The following SS18L1 variants were observed in gnomAD, a reference collection of about 807,000 sequenced individuals.
SS18L1 encodes the protein calcium-responsive transactivator.
A neutral mutation model predicts 70.3 loss-of-function variants in SS18L1; 32 were observed. The observed-to-expected ratio is 0.46, with a 90% confidence interval of 0.34 to 0.61. The LOEUF (loss-of-function observed/expected upper bound fraction) is 0.61. Ranked by LOEUF, SS18L1 falls within the 20% of genes least tolerant of loss-of-function variation. The pLI is 0.01. For synonymous variants in SS18L1, 237 were observed against 229.7 expected (o/e 1.03, Z -0.29); for missense variants, 430 against 542.1 (o/e 0.79, Z 2.05).
At chr20:62,178,107 C>T (rs2057651533) in intron 10 of SS18L1, among the ~76,000 whole-genome samples, 1 of 149,640 alleles carries the variant, frequency 6.7e-6, no homozygotes, top group Non-Finnish European at 1.5e-5. Flanking sequence ...GCAGCCTCAA[C>T]CTCCGGGGCA....
intron 1 of SS18L1, among the ~76,000 whole-genome samples, chr20:62,150,625 T>A (rs546312670): frequency 2.2e-5 from 3 of 136,096 alleles, no homozygotes; most frequent in East Asian, 4.5e-4. Flanking sequence ...TAAGAAACAT[T>A]GAGGTGGATT....
chr20:62,166,397 C>G (rs923487783), intron 8 of SS18L1, among the ~76,000 whole-genome samples: 2 of 152,216 alleles, frequency 1.3e-5, no homozygotes, highest in African/African-American at 4.8e-5. Context: ...CAGGCAGGCA[C>G]TAAACGGCTA....
At chr20:62,163,030 C>A in intron 5 of SS18L1, 99 bp downstream of exon 5, 2 of 1,475,004 alleles carry the variant, frequency 1.4e-6, no homozygotes, top group Non-Finnish European at 9.2e-7. Flanking sequence ...AGCTGCCCTC[C>A]TGCTGGGTGC....
chr20:62,176,287 G>A (rs910209731), intron 10 of SS18L1, among the ~76,000 whole-genome samples: 9 of 152,216 alleles, frequency 5.9e-5, no homozygotes, highest in African/African-American at 2.2e-4. Context: ...GGAGGCCAAG[G>A]CAGGAGGATC....
In SS18L1 at chr20:62,160,517, A is replaced by G. The variant is rs903876079; in HGVS notation, c.231+556A>G. ...GTGAGAACGGAACTTAAAAGAGAACATGCCCAGCACAGTAAATTCTCCCAG... is the reference window on the plus strand; with the variant it reads ...GTGAGAACGGAACTTAAAAGAGAACGTGCCCAGCACAGTAAATTCTCCCAG... On this transcript the variant is annotated intron_variant, in intron 3 of 10. Transcript: ENST00000331758. Among the ~76,000 whole-genome samples the G allele has an allele frequency of 2.6e-5, 4 of 152,154 alleles. No individual in the cohort carries two copies. In the East Asian group the frequency reaches 7.7e-4, roughly 29 times the overall value.
chr20:62,170,349 G>GA (rs1226695895), intron 8 of SS18L1, among the ~76,000 whole-genome samples: 1 of 152,096 alleles, frequency 6.6e-6, no homozygotes, highest in Non-Finnish European at 1.5e-5. Flanking sequence ...ACTAAAAATA[G>GA]AAAAAAATTA....
In SS18L1 at chr20:62,161,910, G is replaced by A. The variant is rs571219313; in HGVS notation, c.376+330G>A. Among the ~76,000 whole-genome samples the A allele has an allele frequency of 1.1e-4, 16 of 152,362 alleles. No individual in the cohort carries two copies. The highest frequency in any genetic ancestry group is 3.3e-4 in the Admixed American group (5 of 15,306). ...CTTTGGATTGAGAAGCATGGATAACGTTTGGAGACCATTAACAGTAATATA... is the reference window on the plus strand; with the variant it reads ...CTTTGGATTGAGAAGCATGGATAACATTTGGAGACCATTAACAGTAATATA... On this transcript the variant is annotated intron_variant, in intron 4 of 10. Coordinates refer to ENST00000331758, the MANE Select transcript of SS18L1 (RefSeq NM_198935.3). This position sits in a 1 kb window ranked among gnomAD's most constrained non-coding sequence, Gnocchi z 4.4.
In SS18L1 at chr20:62,154,559, G is replaced by A. The variant is rs539662178; in HGVS notation, c.70-4113G>A. Reference sequence around the variant, plus strand: ...ACTGGGTCATCACACCTCAGGGGGTGTCCCTTGGTATGGGACACAGCTCCT... The same window carrying A: ...ACTGGGTCATCACACCTCAGGGGGTATCCCTTGGTATGGGACACAGCTCCT... On this transcript the variant is annotated intron_variant, in intron 1 of 10. Coordinates refer to ENST00000331758, the MANE Select transcript of SS18L1 (RefSeq NM_198935.3). 1.3e-4 allele frequency: 135 copies of A among 1,012,776 alleles called. No individual in the cohort carries two copies. In the South Asian group the frequency reaches 5.6e-3, roughly 42 times the overall value. 62.7% of individuals were successfully genotyped at this position (1,012,776 alleles called of 1,614,324 possible). A position where few individuals can be genotyped will look rare whatever the true frequency, so the allele number is the denominator to read the frequency against.
intron 5 of SS18L1, 22 bp downstream of exon 5, chr20:62,162,953 C>G (rs1194162486): frequency 1.2e-6 from 2 of 1,609,318 alleles, no homozygotes; most frequent in Non-Finnish European, 1.7e-6. Context: ...GCCTCTGCAA[C>G]CCCGGGGGGC....
chr20:62,158,594 A>T lies in SS18L1; in HGVS notation c.70-78A>T. On this transcript the variant is annotated intron_variant, in intron 1 of 10. Transcript: ENST00000331758. This position sits in a 1 kb window ranked among gnomAD's most constrained non-coding sequence, Gnocchi z 4.5. The stretch of plus-strand genomic sequence containing the variant: ...GACGCTCAACCTATATGAAAACTAG[A>T]TGTGTAGCGATGGCTGTTCATCCCG... 1 of 1,561,780 alleles carries T rather than the reference A, an allele frequency of 6.4e-7. No homozygotes were observed. Among genetic ancestry groups the T allele is most frequent in the Non-Finnish European group, 8.6e-7 (1 of 1,156,218 alleles).
intron 8 of SS18L1, among the ~76,000 whole-genome samples, chr20:62,170,243 C>T (rs1164845277): frequency 1.3e-5 from 2 of 152,234 alleles, no homozygotes; most frequent in South Asian, 2.1e-4. Context: ...CGGTGGCTCA[C>T]GCCTGTAATC....
chr20:62,175,562 AT>A, intron 10 of SS18L1: 2 of 570,786 alleles, frequency 3.5e-6, no homozygotes, highest in South Asian at 7.6e-5. Flanking sequence ...GGTCTGGGAC[AT>A]TTTTTGGAGC....
chr20:62,163,757 G>T, intron 6 of SS18L1, 135 bp downstream of exon 6: 1 of 1,273,608 alleles, frequency 7.9e-7, no homozygotes, highest in Non-Finnish European at 1.1e-6. Context: ...TTGGCGCCTT[G>T]GTGTTAACAT....
intron 1 of SS18L1, among the ~76,000 whole-genome samples, chr20:62,153,657 G>C (rs2057173391): frequency 6.6e-6 from 1 of 152,082 alleles, no homozygotes; most frequent in Non-Finnish European, 1.5e-5. Context: ...GTTTTCCCTG[G>C]AGTTGTTGAT....
intron 6 of SS18L1, 65 bp from the exon 7 acceptor site, chr20:62,164,080 G>T: frequency 6.9e-7 from 1 of 1,459,358 alleles, no homozygotes; most frequent in African/African-American, 1.4e-5. Flanking sequence ...TCCCCAGTGA[G>T]CGAGCAGGTC....
intron 1 of SS18L1, among the ~76,000 whole-genome samples, chr20:62,145,448 C>A (rs923294691): frequency 9.9e-5 from 15 of 152,204 alleles, no homozygotes; most frequent in Non-Finnish European, 1.8e-4. Context: ...GCTCTAGGCT[C>A]AGAGGCAAAT....
chr20:62,177,194 G>A (rs758458265), intron 10 of SS18L1, among the ~76,000 whole-genome samples: 8 of 152,196 alleles, frequency 5.3e-5, no homozygotes, highest in Non-Finnish European at 8.8e-5. Flanking sequence ...AGAGGCGGGC[G>A]GGAGCAGATA....
rs572334109 is a variant in SS18L1, at chr20:62,182,267, A to C, written c.*3059A>C. The C allele has an allele frequency of 1.4e-5, 3 of 218,292 alleles. No homozygotes were observed. In the East Asian group the frequency reaches 2.0e-4, roughly 15 times the overall value. The allele number at this position is 218,292 out of a possible 1,614,324, so 13.5% of individuals were successfully genotyped here. A position where few individuals can be genotyped will look rare whatever the true frequency, so the allele number is the denominator to read the frequency against. On this transcript the variant is annotated 3_prime_UTR_variant, in exon 11 of 11. Transcript: ENST00000331758. ...AGGCGTGAATAGGGGGCACCCCTTC[A>C]AAACTGTACAAAGAAGACGACTGTT... is the stretch of plus-strand genomic sequence containing the variant.
chr20:62,160,189 C>G (rs1286141819), intron 3 of SS18L1, among the ~76,000 whole-genome samples: 1 of 141,654 alleles, frequency 7.1e-6, no homozygotes, highest in Non-Finnish European at 1.5e-5. Context: ...GTGGCTCAGC[C>G]TCGTTATGTA....
Sources: allele counts gnomAD v4.1 joint callset (sites outside exome capture counted in the v4.1 genomes callset), GRCh38; gene constraint gnomAD v4.1.1; non-coding constraint Gnocchi (gnomAD v3.1); transcripts MANE v1.5; gene names NCBI Gene and HGNC (gene_info 2026-07-23, HGNC 2026-07-21).